The following AGBL4 variants were observed in gnomAD, a reference collection of about 807,000 sequenced individuals.
The protein encoded by AGBL4 is AGBL carboxypeptidase 4, also known as cytosolic carboxypeptidase 6.
AGBL4 carries 58 observed loss-of-function variants against 66.4 expected under a neutral mutation model. The ratio of observed to expected loss-of-function variants is 0.87; its 90% CI spans 0.71 to 1.09. AGBL4 has a LOEUF of 1.09. AGBL4 is among the 50% of genes least tolerant of loss of function. The pLI is 0.00. For missense variants in AGBL4, 579 were observed against 631.0 expected, an observed-to-expected ratio of 0.92 and a Z score of 0.88; for synonymous variants, 234 against 222.9, an observed-to-expected ratio of 1.05 and a Z score of -0.44.
At chr1:50,006,792 A>G (rs1329506694) in intron 1 of AGBL4, among the ~76,000 whole-genome samples, 5 of 152,224 alleles carry the variant, frequency 3.3e-5, no homozygotes, top group Non-Finnish European at 7.3e-5. Flanking sequence ...GATTTCATCA[A>G]CACTGGACTT....
chr1:49,645,331 AAG>A (rs1645863637), intron 3 of AGBL4, among the ~76,000 whole-genome samples: 1 of 151,512 alleles, frequency 6.6e-6, no homozygotes, highest in African/African-American at 2.4e-5. Context: ...TCAGTATAAA[AAG>A]AGAATACATA....
intron 3 of AGBL4, among the ~76,000 whole-genome samples, chr1:49,673,890 GAGGAAAGTGCATAGAGGGCTAGGAAC>G (rs1241253130): frequency 1.3e-5 from 2 of 152,022 alleles, no homozygotes; most frequent in Non-Finnish European, 2.9e-5. Flanking sequence ...CTAAATGAAA[GAGGAAAGTGCATAGAGGGCTAGGAAC>G]AGGGGGTTGG....
At chr1:49,294,547 G>A (rs573557430) in intron 3 of AGBL4, among the ~76,000 whole-genome samples, 3 of 152,156 alleles carry the variant, frequency 2.0e-5, no homozygotes, top group Non-Finnish European at 4.4e-5. Flanking sequence ...GCATGCCTAT[G>A]AGACCACCCC....
chr1:49,509,072 A>G (rs1648959091), intron 3 of AGBL4, among the ~76,000 whole-genome samples: 1 of 151,886 alleles, frequency 6.6e-6, no homozygotes, highest in East Asian at 1.9e-4. Context: ...GTGGCATACC[A>G]AACTGTGTTA....
At chr1:49,909,757 A>C (rs1650632291) in intron 1 of AGBL4, among the ~76,000 whole-genome samples, 1 of 152,234 alleles carries the variant, frequency 6.6e-6, no homozygotes, top group Non-Finnish European at 1.5e-5. Flanking sequence ...GAAGCAAGGA[A>C]AACATCAGGA....
intron 5 of AGBL4, among the ~76,000 whole-genome samples, chr1:49,001,491 T>C (rs1221384038): frequency 6.6e-6 from 1 of 152,174 alleles, no homozygotes; most frequent in Non-Finnish European, 1.5e-5. Context: ...GAGGGTCCTC[T>C]CCATGAACAC....
chr1:49,399,774 AT>A (rs763605386), intron 3 of AGBL4, among the ~76,000 whole-genome samples: 3 of 152,006 alleles, frequency 2.0e-5, no homozygotes, highest in Non-Finnish European at 4.4e-5. Flanking sequence ...TAGTTGAAAA[AT>A]ATCTTCTCTC....
At chr1:48,871,030 C>A (rs945883229) in intron 5 of AGBL4, among the ~76,000 whole-genome samples, 1 of 152,100 alleles carries the variant, frequency 6.6e-6, no homozygotes, top group Non-Finnish European at 1.5e-5. Context: ...GTCTACCAGG[C>A]ACAATCATTT....
intron 2 of AGBL4, among the ~76,000 whole-genome samples, chr1:49,739,870 C>T (rs903848057): frequency 3.3e-5 from 5 of 152,072 alleles, no homozygotes; most frequent in African/African-American, 7.2e-5. Flanking sequence ...TTTGTCACCA[C>T]CAGGCCTGCC....
At chr1:49,129,419 C>T (rs1372783582) in intron 4 of AGBL4, among the ~76,000 whole-genome samples, 6 of 151,424 alleles carry the variant, frequency 4.0e-5, no homozygotes, top group African/African-American at 7.3e-5. Flanking sequence ...CCCATTAACT[C>T]GTCATTTAGC....
At chr1:49,679,124 T>G (rs1646639291) in intron 3 of AGBL4, among the ~76,000 whole-genome samples, 1 of 152,178 alleles carries the variant, frequency 6.6e-6, no homozygotes, top group African/African-American at 2.4e-5. Flanking sequence ...TACCAGTTGT[T>G]GAGAGAGGGG....
chr1:48,586,615 TAGA>T, intron 11 of AGBL4: 1 of 232,030 alleles, frequency 4.3e-6, no homozygotes, highest in South Asian at 6.8e-5. Flanking sequence ...TGTTCAGGGT[TAGA>T]AGGAGTCAAG....
chr1:48,889,656 A>G (rs1243705128), intron 5 of AGBL4, among the ~76,000 whole-genome samples: 1 of 152,184 alleles, frequency 6.6e-6, no homozygotes, highest in Non-Finnish European at 1.5e-5. Context: ...GGTCCAGACT[A>G]AGTATTTCAT....
At chr1:48,763,083 G>T (rs1302778215) in intron 6 of AGBL4, among the ~76,000 whole-genome samples, 1 of 138,834 alleles carries the variant, frequency 7.2e-6, no homozygotes, top group Non-Finnish European at 1.5e-5. Context: ...AGCATAAAGT[G>T]AATAGAGATT....
rs1284174821 is a variant in AGBL4, at chr1:49,335,773, CCA to C, written c.283-89911_283-89910del. ...CTTGTGATCCGCCCACCTTGGCCCC[CCA>C]AAATGCTGGGATTATAGGCGTGAGC... On this transcript the variant is annotated intron_variant, in intron 3 of 13. Coordinates refer to ENST00000371839, the MANE Select transcript of AGBL4 (RefSeq NM_032785.4). Among the ~76,000 whole-genome samples, 3 of 152,138 alleles carry C rather than the reference CCA, an allele frequency of 2.0e-5. 1 individual carries two copies. The highest frequency in any genetic ancestry group is 4.4e-5 in the Non-Finnish European group (3 of 68,024).
chr1:49,866,621 G>A (rs1402645409), intron 1 of AGBL4, among the ~76,000 whole-genome samples: 2 of 152,062 alleles, frequency 1.3e-5, no homozygotes, highest in Non-Finnish European at 2.9e-5. Flanking sequence ...AATATTAGCC[G>A]GGCGTGGTGG....
chr1:48,599,892 T>G (rs1280824046), intron 9 of AGBL4, among the ~76,000 whole-genome samples: 1 of 152,186 alleles, frequency 6.6e-6, no homozygotes, highest in Non-Finnish European at 1.5e-5. Context: ...ATCATTATCA[T>G]TGAGGTGTGT....
chr1:48,776,683 C>T, intron 6 of AGBL4: 1 of 1,513,110 alleles, frequency 6.6e-7, no homozygotes, highest in Non-Finnish European at 8.8e-7. Flanking sequence ...GCTCTCGGGC[C>T]CGGCGCCCAA....
At chr1:48,651,545 T>C (rs1645930018) in intron 8 of AGBL4, among the ~76,000 whole-genome samples, 1 of 152,226 alleles carries the variant, frequency 6.6e-6, no homozygotes, top group Non-Finnish European at 1.5e-5. Context: ...CAGTACACTC[T>C]GTCCATGGAA....
Sources: allele counts gnomAD v4.1 joint callset (sites outside exome capture counted in the v4.1 genomes callset), GRCh38; gene constraint gnomAD v4.1.1; transcripts MANE v1.5; gene names NCBI Gene and HGNC (gene_info 2026-07-23, HGNC 2026-07-21).